CEP135: variants seen among roughly 807,000 people sequenced by gnomAD.
The protein encoded by CEP135 is centrosomal protein of 135 kDa.
CEP135 carries 142 observed loss-of-function variants against 157.3 expected under a neutral mutation model. The ratio of observed to expected loss-of-function variants is 0.90; its 90% CI spans 0.79 to 1.04. CEP135 has a LOEUF of 1.04. Among genes scored for constraint, CEP135 ranks in the 50% least tolerant of loss-of-function variants. CEP135 has a pLI of 0.00. For missense variants in CEP135, 1,317 were observed against 1,309.2 expected (o/e 1.01, Z -0.09); for synonymous variants, 396 against 439.8 (o/e 0.90, Z 1.25).
chr4:56,027,969 A>G (rs1731211288), intron 25 of CEP135, among the ~76,000 whole-genome samples: 1 of 152,144 alleles, frequency 6.6e-6, no homozygotes, highest in Non-Finnish European at 1.5e-5. Context: ...CTTCAGATCT[A>G]CTTTTCTGGT....
intron 10 of CEP135, among the ~76,000 whole-genome samples, chr4:55,971,938 G>A (rs1443854858): frequency 6.6e-6 from 1 of 152,076 alleles, no homozygotes; most frequent in African/African-American, 2.4e-5. Flanking sequence ...ATCATCTGAG[G>A]TTGGGAGTTC....
intron 17 of CEP135, among the ~76,000 whole-genome samples, chr4:56,000,077 G>C (rs1577898306): frequency 1.3e-5 from 2 of 152,164 alleles, no homozygotes; most frequent in African/African-American, 2.4e-5. Context: ...TGTGGTCCCA[G>C]TTGCTCAGGA....
At position 55,971,277 on chromosome 4, in the gene CEP135, A is replaced by G. The variant is rs1729017592; in HGVS notation, c.1118A>G (p.Asn373Ser). Reference sequence around the variant, plus strand: ...TAGTATTAAAATTTGCAGGAATTGAACTTATGCCAGAAAGAAAAGGAGAGA... The same window carrying G: ...TAGTATTAAAATTTGCAGGAATTGAGCTTATGCCAGAAAGAAAAGGAGAGA... ...ETMAKLQLEL[N>S]LCQKEKERLS... Residue 373 changes from asparagine to serine, a missense_variant, in exon 10 of 26, where the codon AAC (asparagine) becomes AGC (serine). Coordinates refer to ENST00000257287, the MANE Select transcript of CEP135 (RefSeq NM_025009.5). 1.3e-6 allele frequency: 2 copies of G among 1,581,230 alleles called. No individual in the cohort carries two copies. Among genetic ancestry groups the G allele is most frequent in the African/African-American group, 2.7e-5 (2 of 73,128 alleles).
chr4:55,985,951 A>G (rs559946659), intron 14 of CEP135, among the ~76,000 whole-genome samples: 1 of 152,108 alleles, frequency 6.6e-6, no homozygotes, highest in Non-Finnish European at 1.5e-5. Flanking sequence ...AAAAAAAATC[A>G]CAAAATAGTA....
intron 17 of CEP135, among the ~76,000 whole-genome samples, chr4:56,007,836 CGT>C (rs1730409871): frequency 6.6e-6 from 1 of 152,122 alleles, no homozygotes; most frequent in African/African-American, 2.4e-5. Context: ...GGAACTGACT[CGT>C]CCTCATATTT....
chr4:55,979,436 T>G (rs1309381090), intron 11 of CEP135, among the ~76,000 whole-genome samples: 1 of 152,226 alleles, frequency 6.6e-6, no homozygotes, highest in Non-Finnish European at 1.5e-5. Flanking sequence ...ATATTCTTAA[T>G]ATATACTGCC....
intron 11 of CEP135, among the ~76,000 whole-genome samples, chr4:55,975,867 G>C (rs1017866223): frequency 6.6e-6 from 1 of 152,130 alleles, no homozygotes; most frequent in Non-Finnish European, 1.5e-5. Context: ...AAACAGTTTT[G>C]TCTTCTGATT....
chr4:55,961,764 TAAAAAAAA>T (rs564116620), intron 6 of CEP135, among the ~76,000 whole-genome samples: 12 of 54,212 alleles, frequency 2.2e-4, no homozygotes, highest in East Asian at 1.9e-3. Context: ...AAACTCTGTC[TAAAAAAAA>T]AAAAAAAAAA....
intron 24 of CEP135, among the ~76,000 whole-genome samples, chr4:56,021,508 C>T (rs1177683966): frequency 1.3e-5 from 2 of 152,110 alleles, no homozygotes; most frequent in South Asian, 2.1e-4. Context: ...TGCTTTAAAT[C>T]GAAGTCTAAC....
intron 11 of CEP135, among the ~76,000 whole-genome samples, chr4:55,979,635 C>A (rs1167730048): frequency 6.6e-6 from 1 of 152,132 alleles, no homozygotes; most frequent in African/African-American, 2.4e-5. Flanking sequence ...CTGCTGGCCC[C>A]TTCTCTGGAG....
intron 17 of CEP135, among the ~76,000 whole-genome samples, chr4:56,003,382 G>A (rs1051664024): frequency 1.3e-5 from 2 of 151,944 alleles, no homozygotes; most frequent in African/African-American, 4.8e-5. Context: ...ATTTCTTTTT[G>A]TATTTTTAGT....
At chr4:55,983,335 T>C (rs906869313) in intron 13 of CEP135, among the ~76,000 whole-genome samples, 1 of 152,216 alleles carries the variant, frequency 6.6e-6, no homozygotes, top group Non-Finnish European at 1.5e-5. Context: ...TTCTGGGTTG[T>C]AGGAGGCAGG....
intron 15 of CEP135, among the ~76,000 whole-genome samples, chr4:55,993,032 C>A (rs1411579861): frequency 6.6e-6 from 1 of 152,060 alleles, no homozygotes; most frequent in South Asian, 2.1e-4. Context: ...ATCTGTGAAA[C>A]ATTTAGTCAT....
intron 25 of CEP135, among the ~76,000 whole-genome samples, chr4:56,028,295 A>T (rs919233324): frequency 6.6e-6 from 1 of 152,134 alleles, no homozygotes; most frequent in African/African-American, 2.4e-5. Flanking sequence ...AGGGACTGCC[A>T]AACTGTTTTC....
intron 21 of CEP135, among the ~76,000 whole-genome samples, chr4:56,016,327 G>A (rs1025308526): frequency 2.0e-5 from 3 of 152,162 alleles, no homozygotes; most frequent in Admixed American, 2.0e-4. Context: ...ATTTGTGGTA[G>A]TTGGTTATGG....
At chr4:55,958,754 TC>T (rs1728583541) in intron 5 of CEP135, among the ~76,000 whole-genome samples, 1 of 152,108 alleles carries the variant, frequency 6.6e-6, no homozygotes, top group African/African-American at 2.4e-5. Flanking sequence ...GTATCCAGCC[TC>T]ATTTACTCCA....
rs777336504 is a variant in CEP135 at position 55,974,827 on chromosome 4, A to T, written c.1331A>T (p.Asp444Val). 23 of 1,613,810 alleles carry T rather than the reference A, an allele frequency of 1.4e-5. No individual in the cohort carries two copies. In the South Asian group the frequency reaches 2.1e-4, roughly 15 times the overall value. The stretch of plus-strand genomic sequence containing the variant: ...CGAGACAGGTCACCTTCTCGTTTAG[A>T]TACATTTCTGAAAGGTATAGAAGAA... The part of the protein sequence containing the change: ...KRRDRSPSRL[D>V]TFLKGIEEER... The change falls in exon 11 of 26, where the codon GAT (aspartate) becomes GTT (valine). Residue 444 changes from aspartate to valine, a missense_variant. Physicochemically the swap from Asp to Val is radical, Grantham distance 152 (BLOSUM62 -3). Transcript: ENST00000257287.
intron 13 of CEP135, 27 bp downstream of exon 13, chr4:55,981,406 G>C: frequency 5.8e-6 from 9 of 1,547,412 alleles, no homozygotes; most frequent in Non-Finnish European, 7.8e-6. Context: ...GTTTTTGAAA[G>C]GTAATTTGTT....
Position 55,971,414 on chromosome 4 carries a change from A to T in CEP135, c.1249+6A>T. On this transcript the variant is annotated splice_donor_region_variant and intron_variant, in intron 10 of 25. Transcript: ENST00000257287. ...TGAAAGTTTTGCAGTTACAGGTAAGATGTCAAATTTTGATAGCTAAAGAAT... is the reference window on the plus strand; with the variant it reads ...TGAAAGTTTTGCAGTTACAGGTAAGTTGTCAAATTTTGATAGCTAAAGAAT... 1.3e-6 allele frequency: 2 copies of T among 1,587,606 alleles called. No homozygotes were observed. The highest frequency in any genetic ancestry group is 1.8e-4 in the Middle Eastern group (1 of 5,644).
Sources: gnomAD v4.1 joint callset for allele counts (sites outside exome capture counted in the v4.1 genomes callset) on GRCh38, gnomAD v4.1.1 for gene constraint, MANE v1.5 for transcripts, NCBI Gene and HGNC (gene_info 2026-07-23, HGNC 2026-07-21) for gene names.